TENM2: variants seen among roughly 807,000 people sequenced by gnomAD.
TENM2 encodes teneurin transmembrane protein 2, also known as teneurin-2.
A neutral mutation model predicts 245.2 loss-of-function variants in TENM2; 52 were observed. That is an observed-to-expected ratio of 0.21 (90% CI 0.17 to 0.27). TENM2 has a LOEUF of 0.27. TENM2 is among the 10% of genes least tolerant of loss of function. The pLI is 1.00. For missense variants in TENM2, 3,046 were observed against 3,666.8 expected (o/e 0.83, Z 4.37); for synonymous variants, 1,363 against 1,438.9 (o/e 0.95, Z 1.19).
intron 2 of TENM2, among the ~76,000 whole-genome samples, chr5:167,592,860 A>T (rs1347403370): frequency 1.3e-5 from 2 of 152,176 alleles, no homozygotes; most frequent in Non-Finnish European, 2.9e-5. Flanking sequence ...TATACACATC[A>T]TATCCAATGT....
intron 2 of TENM2, among the ~76,000 whole-genome samples, chr5:167,790,177 C>T (rs1764850204): frequency 6.6e-6 from 1 of 151,936 alleles, no homozygotes; most frequent in Non-Finnish European, 1.5e-5. Flanking sequence ...AGCTTCCGTT[C>T]GTGTCAGTGC....
chr5:167,929,120 A>C (rs1481632515), intron 3 of TENM2, among the ~76,000 whole-genome samples: 3 of 137,862 alleles, frequency 2.2e-5, no homozygotes, highest in Non-Finnish European at 3.2e-5. Flanking sequence ...AAAGAAAGAA[A>C]GAAAGAAAGA....
intron 2 of TENM2, among the ~76,000 whole-genome samples, chr5:167,455,804 C>A (rs1042241176): frequency 1.1e-4 from 16 of 152,064 alleles, no homozygotes. Context: ...GCAACAGCCA[C>A]GACCTTTTTT....
At chr5:168,215,512 AC>A (rs1452394469) in intron 21 of TENM2, among the ~76,000 whole-genome samples, 1 of 152,128 alleles carries the variant, frequency 6.6e-6, no homozygotes, top group African/African-American at 2.4e-5. Flanking sequence ...ACTAAAAATT[AC>A]AAAAAATTAG....
At chr5:168,091,873 TG>T (rs1792975057) in intron 8 of TENM2, among the ~76,000 whole-genome samples, 2 of 152,198 alleles carry the variant, frequency 1.3e-5, no homozygotes, top group South Asian at 4.1e-4. Flanking sequence ...ACATCTTAAC[TG>T]GGCAATTCAC....
At chr5:167,690,920 A>AGTGTGTGTGT (rs1485945921) in intron 2 of TENM2, among the ~76,000 whole-genome samples, 1 of 136,462 alleles carries the variant, frequency 7.3e-6, no homozygotes, top group African/African-American at 2.7e-5. Context: ...CGTATATGCG[A>AGTGTGTGTGT]GTATGTGTGT....
At chr5:168,229,194 G>A (rs1764589812) in intron 25 of TENM2, among the ~76,000 whole-genome samples, 1 of 152,060 alleles carries the variant, frequency 6.6e-6, no homozygotes, top group South Asian at 2.1e-4. Flanking sequence ...TGAGAAAACA[G>A]ACTCAGGGAA....
chr5:167,538,881 G>A (rs1245600806), intron 2 of TENM2, among the ~76,000 whole-genome samples: 1 of 152,130 alleles, frequency 6.6e-6, no homozygotes, highest in Non-Finnish European at 1.5e-5. Flanking sequence ...CAAAATAAGA[G>A]TTAGGCTCTC....
intron 4 of TENM2, among the ~76,000 whole-genome samples, chr5:167,983,708 G>A (rs1279301441): frequency 6.6e-6 from 1 of 152,134 alleles, no homozygotes; most frequent in African/African-American, 2.4e-5. Flanking sequence ...AAAACTGTAA[G>A]TCCTATTTTA....
At chr5:167,378,659 G>A (rs1251411734) in intron 2 of TENM2, among the ~76,000 whole-genome samples, 1 of 151,910 alleles carries the variant, frequency 6.6e-6, no homozygotes, top group African/African-American at 2.4e-5. Context: ...CCATACTTTT[G>A]TTCAATAATA....
chr5:167,795,307 G>A (rs1322853892), intron 2 of TENM2, among the ~76,000 whole-genome samples: 2 of 152,132 alleles, frequency 1.3e-5, no homozygotes, highest in Non-Finnish European at 2.9e-5. Context: ...TGGTACAGGT[G>A]GACAAATGAG....
intron 2 of TENM2, among the ~76,000 whole-genome samples, chr5:167,528,061 A>T (rs995288405): frequency 6.6e-6 from 1 of 152,206 alleles, no homozygotes; most frequent in Non-Finnish European, 1.5e-5. Flanking sequence ...TAGCTGTATA[A>T]AGTCAGTCTT....
At chr5:167,963,527 G>T (rs1781164860) in intron 4 of TENM2, among the ~76,000 whole-genome samples, 1 of 152,162 alleles carries the variant, frequency 6.6e-6, no homozygotes, top group Admixed American at 6.5e-5. Flanking sequence ...CACCATTTTT[G>T]AAAATGTGGT....
At chr5:166,992,594 A>T in the TENM2 span, among the ~76,000 whole-genome samples, 1 of 152,298 alleles carries the variant, frequency 6.6e-6, no homozygotes, top group African/African-American at 2.4e-5. Flanking sequence ...TTTCAAAAGT[A>T]TTTCAGGCAA....
chr5:167,152,155 G>A, the TENM2 span, among the ~76,000 whole-genome samples: 3 of 152,190 alleles, frequency 2.0e-5, no homozygotes, highest in African/African-American at 7.2e-5. Context: ...TTTCTCGTAT[G>A]TATTTATGAA....
chr5:167,937,484 C>T (rs1561956230), intron 3 of TENM2, among the ~76,000 whole-genome samples: 2 of 152,162 alleles, frequency 1.3e-5, no homozygotes, highest in Non-Finnish European at 2.9e-5. Context: ...GCATACCCAC[C>T]AGCAATGTGT....
chr5:167,955,455 G>A (rs2151858569), intron 4 of TENM2, among the ~76,000 whole-genome samples: 1 of 152,250 alleles, frequency 6.6e-6, no homozygotes, highest in South Asian at 2.1e-4. Flanking sequence ...TTGCTGTGGG[G>A]AAGCTCTTTA....
At chr5:167,014,438 G>T in the TENM2 span, among the ~76,000 whole-genome samples, 1 of 151,830 alleles carries the variant, frequency 6.6e-6, no homozygotes, top group African/African-American at 2.4e-5. Flanking sequence ...AAAGATCTGT[G>T]CCAATAAAGA....
intron 2 of TENM2, among the ~76,000 whole-genome samples, chr5:167,702,313 T>A (rs1758191450): frequency 6.6e-6 from 1 of 152,072 alleles, no homozygotes; most frequent in Non-Finnish European, 1.5e-5. Flanking sequence ...TAATGAAGGA[T>A]AGAGCTGCTT....
Sources: allele counts gnomAD v4.1 joint callset (sites outside exome capture counted in the v4.1 genomes callset), GRCh38; gene constraint gnomAD v4.1.1; transcripts MANE v1.5; gene names NCBI Gene and HGNC (gene_info 2026-07-23, HGNC 2026-07-21).